The following MAP4K4 variants were observed in gnomAD, a reference collection of about 807,000 sequenced individuals.
MAP4K4 encodes HPK/GCK-like kinase HGK.
MAP4K4 carries 38 observed loss-of-function variants against 189.6 expected under a neutral mutation model. The ratio of observed to expected loss-of-function variants is 0.20; its 90% CI spans 0.15 to 0.26. The LOEUF (loss-of-function observed/expected upper bound fraction) is 0.26. MAP4K4 is among the 10% of genes least tolerant of loss of function. The probability of loss-of-function intolerance (pLI) is 1.00; values close to 1 mark genes in which losing one functional copy is unlikely to be tolerated. For synonymous variants in MAP4K4, 610 were observed against 624.3 expected (o/e 0.98, Z 0.34); for missense variants, 1,054 against 1,726.9 (o/e 0.61, Z 6.91).
intron 15 of MAP4K4, 127 bp from the exon 16 acceptor site, chr2:101,860,697 CT>C: frequency 1.4e-6 from 1 of 734,182 alleles, no homozygotes; most frequent in Non-Finnish European, 2.2e-6. Flanking sequence ...CCAGCTACCC[CT>C]CTCTTTTCTG....
chr2:101,873,761 G>A (rs779027000), exon 25 of MAP4K4: 3 of 1,589,882 alleles, frequency 1.9e-6, no homozygotes, highest in South Asian at 1.1e-5. Context: ...AGTGACATCT[G>A]TGGGTAAGTA....
Position 101,881,889 on chromosome 2 carries a change from C to G in MAP4K4, c.3386-662C>G, listed in dbSNP as rs192960634. Among the ~76,000 whole-genome samples, 540 of 152,250 alleles carry G rather than the reference C, an allele frequency of 3.5e-3. 2 individuals carry two copies. Among genetic ancestry groups the G allele is most frequent in the African/African-American group, 0.012 (516 of 41,540 alleles). ...GTAGTCTCTTTGTTCCTTTAGATGA[C>G]TACACCACAATGTATTTACTCATTT... On this transcript the variant is annotated intron_variant, in intron 27 of 32. Transcript: ENST00000324219.
intron 30 of MAP4K4, 36 bp from the exon 31 acceptor site, chr2:101,887,742 A>T (rs2098508807): frequency 6.4e-7 from 1 of 1,560,380 alleles, no homozygotes; most frequent in African/African-American, 1.4e-5. Flanking sequence ...AAATAACCAC[A>T]GACGTTCTTC....
chr2:101,804,784 A>C (rs2094746610), intron 3 of MAP4K4, among the ~76,000 whole-genome samples: 1 of 152,100 alleles, frequency 6.6e-6, no homozygotes, highest in Non-Finnish European at 1.5e-5. Flanking sequence ...AGTAGCTCTT[A>C]TATTTTTATA....
At chr2:101,708,447 T>TTGGGAGGTGCAAGCCG (rs1482476251) in intron 2 of MAP4K4, among the ~76,000 whole-genome samples, 2 of 152,110 alleles carry the variant, frequency 1.3e-5, no homozygotes, top group African/African-American at 4.8e-5. Flanking sequence ...GATACTTAAT[T>TTGGGAGGTGCAAGCCG]TGGGAGGTGC....
intron 3 of MAP4K4, among the ~76,000 whole-genome samples, chr2:101,816,823 C>T (rs1465686633): frequency 6.6e-6 from 1 of 152,118 alleles, no homozygotes; most frequent in Non-Finnish European, 1.5e-5. Context: ...CTCTCCTAGG[C>T]CTCCCTGCAC....
intron 9 of MAP4K4, among the ~76,000 whole-genome samples, chr2:101,839,073 G>C (rs2096845534): frequency 6.6e-6 from 1 of 152,170 alleles, no homozygotes; most frequent in South Asian, 2.1e-4. Flanking sequence ...ACAGAGTGTT[G>C]CCAGGAAGAT....
intron 8 of MAP4K4, among the ~76,000 whole-genome samples, chr2:101,835,267 C>T (rs568989796): frequency 1.3e-4 from 20 of 152,316 alleles, no homozygotes; most frequent in African/African-American, 3.8e-4. Flanking sequence ...TGCCTCTCCT[C>T]ATTGCCCAGA....
intron 22 of MAP4K4, 115 bp downstream of exon 22, chr2:101,869,912 T>C: frequency 1.5e-6 from 2 of 1,350,520 alleles, no homozygotes; most frequent in Non-Finnish European, 2.0e-6. Flanking sequence ...TACTATGTAG[T>C]TCTCGTGGAT....
chr2:101,878,543 T>C (rs917885527), intron 27 of MAP4K4, among the ~76,000 whole-genome samples: 6 of 152,250 alleles, frequency 3.9e-5, no homozygotes, highest in African/African-American at 1.4e-4. Context: ...TATTTAGTTA[T>C]CTTCTCTTGC....
intron 8 of MAP4K4, 42 bp from the exon 9 acceptor site, chr2:101,835,858 T>G: frequency 1.0e-5 from 13 of 1,292,324 alleles, no homozygotes; most frequent in Non-Finnish European, 1.4e-5. Flanking sequence ...CAAGAATGAG[T>G]GAAATAAGTG....
At chr2:101,702,777 G>T (rs1203248360) in intron 2 of MAP4K4, among the ~76,000 whole-genome samples, 1 of 152,078 alleles carries the variant, frequency 6.6e-6, no homozygotes, top group Non-Finnish European at 1.5e-5. Flanking sequence ...ATTGGAGGAA[G>T]GGTACAATGT....
intron 11 of MAP4K4, 143 bp from the exon 12 acceptor site, chr2:101,843,958 C>A: frequency 1.6e-6 from 1 of 607,968 alleles, no homozygotes; most frequent in South Asian, 2.1e-5. Context: ...ATAGTCATTT[C>A]TGTGGATGTA....
chr2:101,781,386 G>C (rs1194969255), intron 2 of MAP4K4, among the ~76,000 whole-genome samples: 1 of 152,108 alleles, frequency 6.6e-6, no homozygotes, highest in Non-Finnish European at 1.5e-5. Flanking sequence ...TTGTGCTGCT[G>C]TAGTAGACCA....
chr2:101,800,632 A>T (rs2094278040), intron 3 of MAP4K4, among the ~76,000 whole-genome samples: 1 of 152,162 alleles, frequency 6.6e-6, no homozygotes, highest in African/African-American at 2.4e-5. Context: ...CTTTGTTCAG[A>T]TATAATTTTG....
intron 3 of MAP4K4, among the ~76,000 whole-genome samples, chr2:101,814,153 C>G (rs1490466849): frequency 6.6e-6 from 1 of 152,158 alleles, no homozygotes. Flanking sequence ...TGAGTGACCT[C>G]CAGATACATG....
intron 3 of MAP4K4, among the ~76,000 whole-genome samples, chr2:101,815,162 T>C (rs2095644702): frequency 6.6e-6 from 1 of 152,264 alleles, no homozygotes; most frequent in South Asian, 2.1e-4. Context: ...ACATCATTTT[T>C]GTAGACAGTT....
intron 2 of MAP4K4, among the ~76,000 whole-genome samples, chr2:101,757,029 C>A (rs927308714): frequency 6.6e-6 from 1 of 152,114 alleles, no homozygotes; most frequent in African/African-American, 2.4e-5. Context: ...CACAGTGGTA[C>A]AGGGTTTGTT....
At chr2:101,730,447 G>C (rs2057921498) in intron 2 of MAP4K4, among the ~76,000 whole-genome samples, 1 of 152,122 alleles carries the variant, frequency 6.6e-6, no homozygotes, top group Admixed American at 6.5e-5. Flanking sequence ...AAAGAAGGCA[G>C]AGGTTAAACT....
Sources: allele counts gnomAD v4.1 joint callset (sites outside exome capture counted in the v4.1 genomes callset), GRCh38; gene constraint gnomAD v4.1.1; transcripts MANE v1.5; gene names NCBI Gene and HGNC (gene_info 2026-07-23, HGNC 2026-07-21).